The following ALOX15B variants were observed in gnomAD, a reference collection of about 807,000 sequenced individuals.
The protein encoded by ALOX15B is polyunsaturated fatty acid lipoxygenase ALOX15B.
ALOX15B carries 74 observed loss-of-function variants against 73.8 expected under a neutral mutation model. The ratio of observed to expected loss-of-function variants is 1.00; its 90% CI spans 0.83 to 1.22. The LOEUF (loss-of-function observed/expected upper bound fraction) is 1.22. Ranked by LOEUF, ALOX15B falls within the 50% of genes most tolerant of loss-of-function variation. The probability of loss-of-function intolerance (pLI) is 0.00; values close to 1 mark genes in which losing one functional copy is unlikely to be tolerated. For missense variants in ALOX15B, 896 were observed against 859.9 expected (o/e 1.04, Z -0.52); for synonymous variants, 353 against 357.2 (o/e 0.99, Z 0.13).
intron 3 of ALOX15B, among the ~76,000 whole-genome samples, chr17:8,040,366 G>A (rs940073517): frequency 5.9e-5 from 9 of 151,808 alleles, no homozygotes; most frequent in South Asian, 2.1e-4. Flanking sequence ...CCAACAGGGC[G>A]AAACCCCATC....
intron 2 of ALOX15B, 26 bp from the exon 3 acceptor site, chr17:8,039,876 C>A: frequency 6.3e-7 from 1 of 1,599,462 alleles, no homozygotes; most frequent in Non-Finnish European, 8.5e-7. Context: ...CTCTCCCCAC[C>A]CCAACCTACT....
intron 8 of ALOX15B, 69 bp from the exon 9 acceptor site, chr17:8,046,599 G>A (rs1242049867): frequency 6.7e-7 from 1 of 1,500,128 alleles, no homozygotes; most frequent in Admixed American, 1.9e-5. Context: ...GCTGGTGCCT[G>A]TGTGGGGGAA....
intron 3 of ALOX15B, among the ~76,000 whole-genome samples, chr17:8,041,152 G>C (rs983896982): frequency 6.6e-6 from 1 of 152,204 alleles, no homozygotes. Context: ...AGAGGGAATA[G>C]ACATTGAGAT....
In ALOX15B at chr17:8,042,481, G is replaced by C; in HGVS notation, c.562G>C (p.Ala188Pro). ...TAKNANFYLQ[A>P]GSAFAEMKIK... Reference sequence around the variant, plus strand: ...CAAGAATGCCAACTTTTATCTACAGGCTGGCTCTGCGTGAGGATGCCCACC... The same window carrying C: ...CAAGAATGCCAACTTTTATCTACAGCCTGGCTCTGCGTGAGGATGCCCACC... The change falls in exon 4 of 14, where the codon GCT becomes CCT. Residue 188 changes from alanine (A) to proline (P), a missense_variant. Transcript: ENST00000380183. The C allele has an allele frequency of 3.1e-6, 5 of 1,613,470 alleles. No homozygotes were observed. Among genetic ancestry groups the C allele is most frequent in the Non-Finnish European group, 4.2e-6 (5 of 1,179,952 alleles).
At chr17:8,040,587 G>A (rs1202530353) in intron 3 of ALOX15B, among the ~76,000 whole-genome samples, 23 of 114,758 alleles carry the variant, frequency 2.0e-4, no homozygotes, top group African/African-American at 7.2e-4. Context: ...GAAGGAAAGA[G>A]AGAAAGAAAG....
rs1263866169 is a variant in ALOX15B at position 8,048,471 on chromosome 17, A to G, written c.1937A>G (p.Gln646Arg). Residue 646 changes from glutamine to arginine, a missense_variant, in exon 14 of 14, where the codon CAG becomes CGG. Transcript: ENST00000380183. ...GCCACCTTCCAGAGCCGCCTGGCCC[A>G]GATCTCGAGGGGCATCCAGGAGCGG... ...SIATFQSRLAQISRGIQERNQ... is the reference protein window; with the variant it reads ...SIATFQSRLARISRGIQERNQ... 1 of 1,614,154 alleles carries G rather than the reference A, an allele frequency of 6.2e-7. No homozygotes were observed. The highest frequency in any genetic ancestry group is 8.5e-7 in the Non-Finnish European group (1 of 1,180,030).
At position 8,048,397 on chromosome 17, in the gene ALOX15B, CA is replaced by C; in HGVS notation, c.1864del (p.Thr622ProfsTer44). On this transcript the variant is annotated frameshift_variant, in exon 14 of 14. Transcript: ENST00000380183. LOFTEE classifies it low-confidence loss of function (END_TRUNC). ...KEPGDQRPLG[T>X]YPDEHFTEEA... ...TGGTGGATCCTCAGAGGCCCCTGGGCACCTATCCGGATGAGCACTTCACAGA... is the reference window on the plus strand; with the variant it reads ...TGGTGGATCCTCAGAGGCCCCTGGGCCCTATCCGGATGAGCACTTCACAGA... 1 of 1,612,184 alleles carries C rather than the reference CA, an allele frequency of 6.2e-7. No individual in the cohort carries two copies. The highest frequency in any genetic ancestry group is 8.5e-7 in the Non-Finnish European group (1 of 1,178,892).
chr17:8,043,884 C>T (rs747003785), intron 5 of ALOX15B, among the ~76,000 whole-genome samples: 1 of 152,104 alleles, frequency 6.6e-6, no homozygotes, highest in Non-Finnish European at 1.5e-5. Flanking sequence ...GGCTGGCCAA[C>T]ATGGCAAAAT....
chr17:8,042,244 A>G, intron 3 of ALOX15B, 125 bp from the exon 4 acceptor site: 1 of 1,215,794 alleles, frequency 8.2e-7, no homozygotes, highest in Non-Finnish European at 1.1e-6. Context: ...AGCTCCCAGG[A>G]GGGCCCTCTT....
rs1376435149 is a variant in ALOX15B at position 8,039,529 on chromosome 17, G to T, written c.291G>T (p.Pro97=). ...WFCRWFQLTP[P]RGGHLLFPCY... ...GCCGCTGGTTCCAGCTGACACCGCC[G>T]CGGGGCGGCCACCTCCTCTTCCCCT... Residue 97 remains proline (P), a synonymous_variant, in exon 2 of 14, where the codon CCG becomes CCT. Transcript: ENST00000380183. 1.3e-6 allele frequency: 2 copies of T among 1,550,794 alleles called. No individual in the cohort carries two copies. The highest frequency in any genetic ancestry group is 2.4e-5 in the East Asian group (1 of 41,260).
Position 8,048,729 on chromosome 17 carries a change from A to C in ALOX15B, c.*164A>C. On this transcript the variant is annotated 3_prime_UTR_variant, in exon 14 of 14. Transcript: ENST00000380183. ...CCCCACCACCATACACACACACAAA[A>C]ACAGAAACAAAATCAAAACAGAGAA... 1.5e-6 allele frequency: 1 copy of C among 649,816 alleles called. No homozygotes were observed. The allele number at this position is 649,816 out of a possible 1,614,324, so 40.3% of individuals were successfully genotyped here.
intron 13 of ALOX15B, 112 bp from the exon 14 acceptor site, chr17:8,048,274 C>T: frequency 7.5e-7 from 1 of 1,325,692 alleles, no homozygotes; most frequent in Non-Finnish European, 1.0e-6. Flanking sequence ...CACTTGGGGG[C>T]TAGGGCCAGA....
At chr17:8,046,613 C>G (rs1348422999) in intron 8 of ALOX15B, 55 bp from the exon 9 acceptor site, 2 of 1,563,058 alleles carry the variant, frequency 1.3e-6, no homozygotes, top group Non-Finnish European at 1.7e-6. Flanking sequence ...GGGGGAAGGT[C>G]TGGGGCCAGA....
Position 8,042,887 on chromosome 17 carries a change from G to T in ALOX15B, c.676+3G>T. ...CTTCCGGAGGACCCCAGCAGCTGGT[G>T]AGGAGCTTGGGCCAGGGATCCTGAC... On this transcript the variant is annotated splice_donor_region_variant and intron_variant, in intron 5 of 13. Transcript: ENST00000380183. 1 of 1,550,912 alleles carries T rather than the reference G, an allele frequency of 6.4e-7. No individual in the cohort carries two copies. The highest frequency in any genetic ancestry group is 1.2e-5 in the South Asian group (1 of 84,048).
At position 8,047,569 on chromosome 17, in the gene ALOX15B, C is replaced by A; in HGVS notation, c.1585C>A (p.Pro529Thr). The change falls in exon 12 of 14, where the codon CCC becomes ACC. Residue 529 changes from proline to threonine, a missense_variant. Physicochemically the swap from Pro to Thr is conservative, Grantham distance 38. Transcript: ENST00000380183. ...GFLNQESSGI[P>T]SSLETREALV... ...CAGCCCAGCTCTCCTTGCAGGTATACCCTCCTCACTGGAGACCCGGGAAGC... is the reference window on the plus strand; with the variant it reads ...CAGCCCAGCTCTCCTTGCAGGTATAACCTCCTCACTGGAGACCCGGGAAGC... 1 of 1,602,250 alleles carries A rather than the reference C, an allele frequency of 6.2e-7. No individual in the cohort carries two copies. Among genetic ancestry groups the A allele is most frequent in the Non-Finnish European group, 8.5e-7 (1 of 1,174,322 alleles).
In ALOX15B at chr17:8,045,395, AGGCAGGGGCAG is replaced by A. The variant is rs755186541; in HGVS notation, c.996+17_996+27del. 1 of 1,613,846 alleles carries A rather than the reference AGGCAGGGGCAG, an allele frequency of 6.2e-7. No homozygotes were observed. Among genetic ancestry groups the A allele is most frequent in the African/African-American group, 1.3e-5 (1 of 74,918 alleles). ...CCTCTCGCCATCCAGGTATGCAGTC[AGGCAGGGGCAG>A]GGCAGCGTGAAGAAGAGTCAGGAGA... On this transcript the variant is annotated intron_variant, in intron 7 of 13. Transcript: ENST00000380183.
rs534948494 is a variant in ALOX15B, at chr17:8,047,736, G to A, written c.1681-9G>A. ...CTCCTCAGCCTCATTCTGCCCTCTC[G>A]GCCTTCAGTTTGACTCCTGTGCTTG... On this transcript the variant is annotated splice_polypyrimidine_tract_variant and intron_variant, in intron 12 of 13. Transcript: ENST00000380183. 13 of 1,614,074 alleles carry A rather than the reference G, an allele frequency of 8.1e-6. No homozygotes were observed. Among genetic ancestry groups the A allele is most frequent in the Middle Eastern group, 1.6e-4 (1 of 6,062 alleles).
Position 8,048,543 on chromosome 17 carries a change from T to C in ALOX15B, c.2009T>C (p.Ile670Thr). The change falls in exon 14 of 14, where the codon ATC (isoleucine) becomes ACC (threonine). Residue 670 changes from isoleucine (I) to threonine (T), a missense_variant. Ile to Thr is a moderately conservative substitution (Grantham distance 89). Transcript: ENST00000380183. ...LPYTYLDPPL[I>T]ENSVSI The stretch of plus-strand genomic sequence containing the variant: ...TACACCTACCTAGACCCTCCCCTCA[T>C]CGAGAACAGCGTCTCCATCTAAATC... 6.2e-7 allele frequency: 1 copy of C among 1,613,732 alleles called. No individual in the cohort carries two copies. The highest frequency in any genetic ancestry group is 8.5e-7 in the Non-Finnish European group (1 of 1,179,784).
chr17:8,041,157 T>A (rs1976454349), intron 3 of ALOX15B, among the ~76,000 whole-genome samples: 1 of 152,126 alleles, frequency 6.6e-6, no homozygotes, highest in Non-Finnish European at 1.5e-5. Flanking sequence ...GAATAGACAT[T>A]GAGATCTACT....
Sources: allele counts gnomAD v4.1 joint callset (sites outside exome capture counted in the v4.1 genomes callset), GRCh38; gene constraint gnomAD v4.1.1; transcripts MANE v1.5; gene names NCBI Gene and HGNC (gene_info 2026-07-23, HGNC 2026-07-21).